The following UBASH3B variants were observed in gnomAD, a reference collection of about 807,000 sequenced individuals.
UBASH3B encodes the protein ubiquitin-associated and SH3 domain-containing protein B.
UBASH3B carries 37 observed loss-of-function variants against 83.4 expected under a neutral mutation model. That is an observed-to-expected ratio of 0.44 (90% CI 0.34 to 0.58). The LOEUF (loss-of-function observed/expected upper bound fraction) is 0.58, where lower values mean the gene tolerates loss of function less well. UBASH3B is among the 20% of genes least tolerant of loss of function. The probability of loss-of-function intolerance (pLI) is 0.01; values close to 1 mark genes in which losing one functional copy is unlikely to be tolerated. For synonymous variants in UBASH3B, 304 were observed against 318.3 expected (o/e 0.96, Z 0.48); for missense variants, 657 against 827.2 (o/e 0.79, Z 2.52).
chr11:122,707,080 T>C (rs1275017234), intron 1 of UBASH3B, among the ~76,000 whole-genome samples: 1 of 152,218 alleles, frequency 6.6e-6, no homozygotes, highest in African/African-American at 2.4e-5. Context: ...CTGATGGTGG[T>C]AATTGATCAT....
chr11:122,777,790 CAT>C (rs1479587923), intron 3 of UBASH3B, among the ~76,000 whole-genome samples: 1 of 152,150 alleles, frequency 6.6e-6, no homozygotes, highest in Non-Finnish European at 1.5e-5. Flanking sequence ...AGTGCAGCAG[CAT>C]GATCTCGGCT....
At chr11:122,708,427 G>A (rs927362687) in intron 1 of UBASH3B, among the ~76,000 whole-genome samples, 1 of 151,930 alleles carries the variant, frequency 6.6e-6, no homozygotes, top group African/African-American at 2.4e-5. Flanking sequence ...GAGTAGCTGG[G>A]ATTACAGGCA....
intron 1 of UBASH3B, among the ~76,000 whole-genome samples, chr11:122,725,328 CAAAA>C (rs527272428): frequency 3.4e-5 from 3 of 87,974 alleles, no homozygotes; most frequent in African/African-American, 4.3e-5. Flanking sequence ...GCACCATAAA[CAAAA>C]AAAAAAAAAA....
intron 1 of UBASH3B, among the ~76,000 whole-genome samples, chr11:122,686,589 G>A (rs907702749): frequency 2.6e-5 from 4 of 152,152 alleles, no homozygotes; most frequent in African/African-American, 9.7e-5. Context: ...TTTTGGCCGT[G>A]GTGTGCAGGG....
At chr11:122,719,275 G>T (rs1860582835) in intron 1 of UBASH3B, among the ~76,000 whole-genome samples, 1 of 152,204 alleles carries the variant, frequency 6.6e-6, no homozygotes, top group African/African-American at 2.4e-5. Flanking sequence ...GATTGGTTTA[G>T]ATACCCATGT....
rs1044051010 is a variant in UBASH3B, at chr11:122,729,853, C to G, written c.162-46366C>G. ...AGTTACCCAGGCAGTTAGCTTCGTACCTGAGGTCCCAGCTTCTTGGGAAGC... is the reference window on the plus strand; with the variant it reads ...AGTTACCCAGGCAGTTAGCTTCGTAGCTGAGGTCCCAGCTTCTTGGGAAGC... On this transcript the variant is annotated intron_variant, in intron 1 of 13. Transcript: ENST00000284273. Among the ~76,000 whole-genome samples, 11 of 146,000 alleles carry G rather than the reference C, an allele frequency of 7.5e-5. No individual in the cohort carries two copies. The South Asian group carries it at 1.1e-3, about 15-fold the overall frequency.
At chr11:122,770,009 T>G (rs1860614855) in intron 1 of UBASH3B, among the ~76,000 whole-genome samples, 1 of 152,256 alleles carries the variant, frequency 6.6e-6, no homozygotes, top group African/African-American at 2.4e-5. Flanking sequence ...CTTAGCTACA[T>G]GAAGGAAAGA....
intron 1 of UBASH3B, among the ~76,000 whole-genome samples, chr11:122,668,599 T>C (rs1863551938): frequency 6.6e-6 from 1 of 152,194 alleles, no homozygotes; most frequent in South Asian, 2.1e-4. Context: ...GATATTCTGC[T>C]ATAGCAGAAA....
At chr11:122,709,805 C>T (rs1213916135) in intron 1 of UBASH3B, among the ~76,000 whole-genome samples, 1 of 152,122 alleles carries the variant, frequency 6.6e-6, no homozygotes, top group Non-Finnish European at 1.5e-5. Flanking sequence ...GAGCTCTAAC[C>T]TGTTTTTGGT....
chr11:122,768,470 ATGTGTGTGTGTGTGTGTGTGTG>A (rs568912747), intron 1 of UBASH3B, among the ~76,000 whole-genome samples: 1 of 140,076 alleles, frequency 7.1e-6, no homozygotes, highest in South Asian at 2.4e-4. Context: ...ATATATATGT[ATGTGTGTGTGTGTGTGTGTGTG>A]TGTGTGTGTG....
intron 10 of UBASH3B, among the ~76,000 whole-genome samples, chr11:122,799,379 C>A (rs908845632): frequency 6.6e-6 from 1 of 150,968 alleles, no homozygotes; most frequent in African/African-American, 2.4e-5. Context: ...CTCAGCTGCT[C>A]GGGAGGCTGA....
intron 5 of UBASH3B, 79 bp downstream of exon 5, chr11:122,783,301 T>A (rs1860890505): frequency 7.9e-6 from 12 of 1,519,380 alleles, no homozygotes; most frequent in African/African-American, 1.4e-5. Context: ...TGCAGGGAGA[T>A]GGGTACCTAC....
In UBASH3B at chr11:122,783,282, G is replaced by T. The variant is rs760383846; in HGVS notation, c.771+60G>T. On this transcript the variant is annotated intron_variant, in intron 5 of 13. Transcript: ENST00000284273. ...TGCAGGGATGCAATCAGAATCAGCAGCTCGCTGCTGCAGGGAGATGGGTAC... is the reference window on the plus strand; with the variant it reads ...TGCAGGGATGCAATCAGAATCAGCATCTCGCTGCTGCAGGGAGATGGGTAC... The T allele has an allele frequency of 8.9e-6, 14 of 1,571,740 alleles. No individual in the cohort carries two copies. The East Asian group carries it at 3.1e-4, about 35-fold the overall frequency.
At chr11:122,657,862 C>A (rs568574074) in intron 1 of UBASH3B, among the ~76,000 whole-genome samples, 1 of 152,150 alleles carries the variant, frequency 6.6e-6, no homozygotes, top group African/African-American at 2.4e-5. Flanking sequence ...GTGAAGTCGT[C>A]GGTGTGGATG....
At chr11:122,657,689 C>A (rs1863382391) in intron 1 of UBASH3B, among the ~76,000 whole-genome samples, 1 of 152,192 alleles carries the variant, frequency 6.6e-6, no homozygotes, top group Non-Finnish European at 1.5e-5. Flanking sequence ...GCTGCTGGGA[C>A]ACGTTGGAGT....
At chr11:122,763,485 AG>A (rs1390174392) in intron 1 of UBASH3B, among the ~76,000 whole-genome samples, 2 of 152,182 alleles carry the variant, frequency 1.3e-5, no homozygotes, top group Admixed American at 1.3e-4. Context: ...CCTCCCCCAC[AG>A]GTTGGAGGCC....
intron 1 of UBASH3B, among the ~76,000 whole-genome samples, chr11:122,746,327 A>C (rs754961271): frequency 1.8e-4 from 28 of 152,208 alleles, no homozygotes; most frequent in Admixed American, 5.2e-4. Flanking sequence ...AAAAGGGTAG[A>C]GGAGGGGAGG....
chr11:122,716,864 C>T (rs10790522), intron 1 of UBASH3B, among the ~76,000 whole-genome samples: 38,507 of 151,900 alleles, frequency 0.25, 5,944 homozygotes, highest in East Asian at 0.62. Context: ...CTTGCCTTTT[C>T]TCTCGGTAGA....
intron 1 of UBASH3B, among the ~76,000 whole-genome samples, chr11:122,670,424 A>G (rs531641350): frequency 7.2e-5 from 11 of 152,296 alleles, no homozygotes; most frequent in African/African-American, 2.2e-4. Flanking sequence ...ACTTGAGTGT[A>G]TGATCAAACT....
Sources: gnomAD v4.1 joint callset for allele counts (sites outside exome capture counted in the v4.1 genomes callset) on GRCh38, gnomAD v4.1.1 for gene constraint, MANE v1.5 for transcripts, NCBI Gene and HGNC (gene_info 2026-07-23, HGNC 2026-07-21) for gene names.